FSHR: variants seen among roughly 807,000 people sequenced by gnomAD.
The protein encoded by FSHR is follicle-stimulating hormone receptor.
FSHR carries 46 observed loss-of-function variants against 52.1 expected under a neutral mutation model. That is an observed-to-expected ratio of 0.88 (90% CI 0.70 to 1.13). FSHR has a LOEUF of 1.13. FSHR is among the 50% of genes most tolerant of loss of function. FSHR has a pLI of 0.00. For synonymous variants in FSHR, 399 were observed against 309.6 expected (o/e 1.29, Z -3.03); for missense variants, 964 against 834.6 (o/e 1.16, Z -1.91).
chr2:48,993,292 C>T (rs1313150184), intron 4 of FSHR, among the ~76,000 whole-genome samples: 1 of 152,172 alleles, frequency 6.6e-6, no homozygotes, highest in Admixed American at 6.5e-5. Flanking sequence ...GCCAACTAAA[C>T]TTGTTCCCCC....
chr2:49,088,446 C>A (rs1231843779), intron 1 of FSHR, among the ~76,000 whole-genome samples: 2 of 152,162 alleles, frequency 1.3e-5, no homozygotes, highest in Non-Finnish European at 2.9e-5. Context: ...AAAATTAATT[C>A]AGAATTGAAC....
At chr2:49,063,767 G>T (rs1268458186) in intron 2 of FSHR, among the ~76,000 whole-genome samples, 4 of 152,044 alleles carry the variant, frequency 2.6e-5, no homozygotes. Flanking sequence ...GCACTGTAGG[G>T]CAACTATAAT....
chr2:49,113,916 A>G (rs1321070043), intron 1 of FSHR, among the ~76,000 whole-genome samples: 1 of 152,176 alleles, frequency 6.6e-6, no homozygotes, highest in Non-Finnish European at 1.5e-5. Flanking sequence ...AAGAGACTTC[A>G]GAGTTGTCTC....
chr2:48,971,130 A>T (rs905305371), intron 8 of FSHR, among the ~76,000 whole-genome samples: 1 of 152,198 alleles, frequency 6.6e-6, no homozygotes, highest in Non-Finnish European at 1.5e-5. Context: ...GTCACTGTAT[A>T]CAGTGTGTTG....
chr2:48,990,621 C>T lies in FSHR; in HGVS notation c.391G>A (p.Gly131Ser). The change falls in exon 5 of 10, where the codon GGT (glycine) becomes AGT (serine). Residue 131 changes from glycine (G) to serine (S), a missense_variant. By Grantham distance (56) the Gly-to-Ser change is moderately conservative. Transcript: ENST00000406846. ...TGAACATCTGGAAGGTGCTTAATACCTGTGTTGGATATTAACCTAGAGAGA... is the reference window on the plus strand; with the variant it reads ...TGAACATCTGGAAGGTGCTTAATACTTGTGTTGGATATTAACCTAGAGAGA... ...NLQYLLISNT[G>S]IKHLPDVHKI... 1 of 1,609,652 alleles carries T rather than the reference C, an allele frequency of 6.2e-7. No individual in the cohort carries two copies. Among genetic ancestry groups the T allele is most frequent in the South Asian group, 1.1e-5 (1 of 90,998 alleles).
rs933018331 is a variant in FSHR at position 49,074,208 on chromosome 2, CTTCTTCACAGCA to C, written c.153-5930_153-5919del. On this transcript the variant is annotated intron_variant, in intron 1 of 9. Coordinates refer to ENST00000406846, the MANE Select transcript of FSHR (RefSeq NM_000145.4). ...AATGGGATTATGTCAAACCAAAAAG[CTTCTTCACAGCA>C]AAGAAAACAAAAAACAGAATGAAAA... is the stretch of plus-strand genomic sequence containing the variant. Among the ~76,000 whole-genome samples the C allele has an allele frequency of 4.8e-4, 44 of 92,402 alleles. 2 individuals are homozygous for C. In the East Asian group the frequency reaches 0.016, roughly 35 times the overall value. The allele number at this position is 92,402 out of a possible 152,430, so 60.6% of individuals were successfully genotyped here.
intron 8 of FSHR, among the ~76,000 whole-genome samples, chr2:48,972,660 G>A (rs866712952): frequency 6.6e-6 from 1 of 151,882 alleles, no homozygotes; most frequent in African/African-American, 2.4e-5. Flanking sequence ...AAGAACAAAG[G>A]TTGAGACCCA....
intron 1 of FSHR, among the ~76,000 whole-genome samples, chr2:49,077,707 AGTGCTTTGCTGCT>A (rs1392822391): frequency 6.6e-5 from 10 of 152,166 alleles, no homozygotes; most frequent in Non-Finnish European, 1.2e-4. Context: ...TCAAGTCTTG[AGTGCTTTGCTGCT>A]TAGAAATTTC....
chr2:49,124,648 C>T (rs1456497092), intron 1 of FSHR, among the ~76,000 whole-genome samples: 1 of 152,092 alleles, frequency 6.6e-6, no homozygotes, highest in African/African-American at 2.4e-5. Context: ...CTTGTTGTCA[C>T]AACCTTCAAA....
intron 6 of FSHR, 53 bp from the exon 7 acceptor site, chr2:48,983,219 C>G: frequency 6.5e-7 from 1 of 1,535,518 alleles, no homozygotes; most frequent in South Asian, 1.1e-5. Context: ...AAACAATACA[C>G]GGGTTTCATA....
intron 9 of FSHR, among the ~76,000 whole-genome samples, chr2:48,968,303 C>A (rs1314570331): frequency 6.6e-6 from 1 of 152,166 alleles, no homozygotes; most frequent in Non-Finnish European, 1.5e-5. Context: ...TTATGCATCT[C>A]CCCACCAAAG....
At chr2:49,079,389 A>G (rs1670077369) in intron 1 of FSHR, among the ~76,000 whole-genome samples, 1 of 152,158 alleles carries the variant, frequency 6.6e-6, no homozygotes. Context: ...GTGGAAATTA[A>G]CTGGCTGATT....
At chr2:49,010,289 G>A (rs1667221277) in intron 4 of FSHR, among the ~76,000 whole-genome samples, 1 of 136,552 alleles carries the variant, frequency 7.3e-6, no homozygotes, top group African/African-American at 2.6e-5. Context: ...AGATAATCAT[G>A]TGGTTTTTGT....
At chr2:49,136,976 A>G (rs1485209378) in intron 1 of FSHR, among the ~76,000 whole-genome samples, 2 of 152,110 alleles carry the variant, frequency 1.3e-5, no homozygotes, top group Non-Finnish European at 1.5e-5. Flanking sequence ...CACTCCCACT[A>G]CTTCCATTCA....
At chr2:49,092,868 G>C (rs186689409) in intron 1 of FSHR, among the ~76,000 whole-genome samples, 245 of 152,198 alleles carry the variant, frequency 1.6e-3, no homozygotes, top group Non-Finnish European at 2.5e-3. Context: ...GTTTCACCAT[G>C]TTGGGCAGGC....
chr2:48,998,419 A>G (rs1299720912), intron 4 of FSHR, among the ~76,000 whole-genome samples: 2 of 152,136 alleles, frequency 1.3e-5, no homozygotes, highest in Non-Finnish European at 2.9e-5. Context: ...AACATAAGGA[A>G]ATGCAATTTT....
At chr2:49,064,016 A>T (rs893034669) in intron 2 of FSHR, among the ~76,000 whole-genome samples, 25 of 151,918 alleles carry the variant, frequency 1.6e-4, no homozygotes, top group Admixed American at 5.9e-4. Flanking sequence ...ATAAAAAAGA[A>T]AAAACTGTGG....
At chr2:49,021,886 T>TATATATAAAG (rs1273265515) in intron 2 of FSHR, among the ~76,000 whole-genome samples, 2 of 25,126 alleles carry the variant, frequency 8.0e-5, no homozygotes, top group African/African-American at 2.9e-4. Context: ...TATATATATA[T>TATATATAAAG]AGAGAGAGAG....
At chr2:49,122,731 T>C (rs1022068675) in intron 1 of FSHR, among the ~76,000 whole-genome samples, 2 of 152,210 alleles carry the variant, frequency 1.3e-5, no homozygotes, top group African/African-American at 4.8e-5. Context: ...GAAGCTATTA[T>C]TCTCTGCCTC....
Sources: allele counts gnomAD v4.1 joint callset (sites outside exome capture counted in the v4.1 genomes callset), GRCh38; gene constraint gnomAD v4.1.1; transcripts MANE v1.5; gene names NCBI Gene and HGNC (gene_info 2026-07-23, HGNC 2026-07-21).